The following ERCC1 variants were observed in gnomAD, a reference collection of about 807,000 sequenced individuals.
ERCC1 encodes the protein DNA excision repair protein ERCC-1.
ERCC1 carries 36 observed loss-of-function variants against 37.6 expected under a neutral mutation model. The ratio of observed to expected loss-of-function variants is 0.96; its 90% CI spans 0.73 to 1.26. The LOEUF is 1.26. Ranked by LOEUF, ERCC1 falls within the 50% of genes most tolerant of loss-of-function variation. The probability of loss-of-function intolerance (pLI) is 0.00; values close to 1 mark genes in which losing one functional copy is unlikely to be tolerated. For missense variants in ERCC1, 349 were observed against 376.5 expected, an observed-to-expected ratio of 0.93 and a Z score of 0.60; for synonymous variants, 156 against 162.1, an observed-to-expected ratio of 0.96 and a Z score of 0.28.
intron 1 of ERCC1, among the ~76,000 whole-genome samples, chr19:45,431,056 G>C (rs953805934): frequency 6.6e-6 from 1 of 152,054 alleles, no homozygotes; most frequent in South Asian, 2.1e-4. Context: ...GTGTTCAAGC[G>C]ATTCTCCCGC....
At position 45,438,409 on chromosome 19, in the gene ERCC1, A is replaced by G. The variant is rs190871919; in HGVS notation, c.-7-15028T>C. ...AATTTATTTGCAATATACACCCAGA[A>G]GTGGGATTGCTGGATCCATATGTGT... On this transcript the variant is annotated intron_variant, in intron 1 of 8. Coordinates refer to the ERCC1 transcript ENST00000423698. Among the ~76,000 whole-genome samples, 55 of 152,166 alleles carry G rather than the reference A, an allele frequency of 3.6e-4. No individual in the cohort carries two copies. The East Asian group carries it at 9.7e-3, about 27-fold the overall frequency.
intron 2 of ERCC1, among the ~76,000 whole-genome samples, chr19:45,421,779 G>A (rs3212946): frequency 5.9e-5 from 9 of 151,866 alleles, no homozygotes; most frequent in Non-Finnish European, 1.0e-4. Flanking sequence ...GACTACAGGC[G>A]TGTACCACCA....
chr19:45,408,979 G>A lies in ERCC1; in HGVS notation c.*696C>T, dbSNP rs756925223. 8 of 1,614,088 alleles carry A rather than the reference G, an allele frequency of 5.0e-6. No individual in the cohort carries two copies. Among genetic ancestry groups the A allele is most frequent in the Non-Finnish European group, 5.9e-6 (7 of 1,180,022 alleles). On this transcript the variant is annotated 3_prime_UTR_variant, in exon 10 of 10. Transcript: ENST00000300853. ...AGAGGAAAAAAGAAAAGGGACAGAT[G>A]GCAATGATGGAGCCAGGGACGGAGG...
chr19:45,434,620 C>T (rs552372716), intron 1 of ERCC1, among the ~76,000 whole-genome samples: 8 of 152,228 alleles, frequency 5.3e-5, no homozygotes, highest in African/African-American at 1.9e-4. Flanking sequence ...GAGTCTTGCT[C>T]TGTCACCCAG....
upstream of ERCC1, among the ~76,000 whole-genome samples, chr19:45,427,609 G>A (rs1438429427): frequency 6.6e-6 from 1 of 152,292 alleles, no homozygotes; most frequent in East Asian, 1.9e-4. Context: ...GCGAGACTCC[G>A]TCTCAAAAAA....
chr19:45,407,731 A>C lies in ERCC1; in HGVS notation c.*1944T>G, dbSNP rs1973429452. ...TTGTAAGTGCCTAGCTACTCACTTT[A>C]AGATGGAGTCACTCTAGTCATGTTT... On this transcript the variant is annotated 3_prime_UTR_variant, in exon 10 of 10. Transcript: ENST00000300853. The C allele has an allele frequency of 8.0e-6, 2 of 249,078 alleles. No individual in the cohort carries two copies. The allele number at this position is 249,078 out of a possible 1,614,324, so 15.4% of individuals were successfully genotyped here.
At position 45,420,660 on chromosome 19, in the gene ERCC1, C is replaced by T. The variant is rs1391748805; in HGVS notation, c.322-233G>A. 6.6e-6 allele frequency among the ~76,000 whole-genome samples: 1 copy of T among 152,132 alleles called. No homozygotes were observed. The highest frequency in any genetic ancestry group is 2.4e-5 in the African/African-American group (1 of 41,422). ...CTGATCCTCTGATCCAGGCTCCTCC[C>T]CTCCATGCCCACTGGCACCAGGCCT... On this transcript the variant is annotated intron_variant, in intron 3 of 9. Transcript: ENST00000300853. This position sits in a 1 kb window ranked among gnomAD's most constrained non-coding sequence, Gnocchi z 4.8.
Position 45,421,398 on chromosome 19 carries a change from G to A in ERCC1, c.106-5C>T, listed in dbSNP as rs1001721395. 4 of 1,576,170 alleles carry A rather than the reference G, an allele frequency of 2.5e-6. No homozygotes were observed. The highest frequency in any genetic ancestry group is 8.6e-7 in the Non-Finnish European group (1 of 1,158,936). On this transcript the variant is annotated splice_polypyrimidine_tract_variant and splice_region_variant and intron_variant, in intron 2 of 9. Transcript: ENST00000300853. Reference sequence around the variant, plus strand: ...AGATCGGAATAAGGGCTTGGCCTGTGGGGAGAAAGGGAGTTTGCAGGGGAC... The same window carrying A: ...AGATCGGAATAAGGGCTTGGCCTGTAGGGAGAAAGGGAGTTTGCAGGGGAC...
At chr19:45,448,264 G>C (rs967890645) in intron 1 of ERCC1, among the ~76,000 whole-genome samples, 2 of 152,116 alleles carry the variant, frequency 1.3e-5, no homozygotes, top group African/African-American at 4.8e-5. Context: ...ACCCCTGCCT[G>C]CTTGTACTAG....
Position 45,408,799 on chromosome 19 carries a change from G to A in ERCC1, c.*876C>T, listed in dbSNP as rs370766397. On this transcript the variant is annotated 3_prime_UTR_variant, in exon 10 of 10. Coordinates refer to ENST00000300853, the MANE Select transcript of ERCC1 (RefSeq NM_001983.4). The stretch of plus-strand genomic sequence containing the variant: ...TGAAGCAGGAACAGATTAACACTGA[G>A]CCTCTAGAAGACACAGTCCTGTCCC... 1.7e-5 allele frequency: 28 copies of A among 1,613,890 alleles called. No individual in the cohort carries two copies. Among genetic ancestry groups the A allele is most frequent in the South Asian group, 1.1e-5 (1 of 91,074 alleles).
intron 9 of ERCC1, 35 bp downstream of exon 9, chr19:45,413,642 C>T (rs1568577046): frequency 6.2e-7 from 1 of 1,614,200 alleles, no homozygotes; most frequent in Non-Finnish European, 8.5e-7. Flanking sequence ...TCTCTCCTTC[C>T]CCCAACTCCT....
intron 7 of ERCC1, 95 bp from the exon 8 acceptor site, chr19:45,414,129 C>T: frequency 1.0e-6 from 1 of 968,210 alleles, no homozygotes; most frequent in Admixed American, 1.8e-5. Context: ...TGTCCCCAGA[C>T]TGCCTGGCGT....
In ERCC1 at chr19:45,408,062, AAAAAAAAAAT is replaced by A. The variant is rs1973452698; in HGVS notation, c.*1603_*1612del. On this transcript the variant is annotated 3_prime_UTR_variant, in exon 10 of 10. Transcript: ENST00000300853. ...GAGCAAGACTCTCTCAAAAAAAAAC[AAAAAAAAAAT>A]CAAAAAACCTTCCCTCTCCTGTTCC... is the stretch of plus-strand genomic sequence containing the variant. 2.0e-5 allele frequency: 15 copies of A among 755,328 alleles called. No individual in the cohort carries two copies. In the South Asian group the frequency reaches 2.0e-4, roughly 10 times the overall value. The allele number at this position is 755,328 out of a possible 1,614,324, so 46.8% of individuals were successfully genotyped here. A position where few individuals can be genotyped will look rare whatever the true frequency, so the allele number is the denominator to read the frequency against.
chr19:45,408,974 C>T lies in ERCC1; in HGVS notation c.*701G>A. The T allele has an allele frequency of 6.2e-7, 1 of 1,613,942 alleles. No homozygotes were observed. The highest frequency in any genetic ancestry group is 8.5e-7 in the Non-Finnish European group (1 of 1,179,990). On this transcript the variant is annotated 3_prime_UTR_variant, in exon 10 of 10. Coordinates refer to ENST00000300853, the MANE Select transcript of ERCC1 (RefSeq NM_001983.4). Reference sequence around the variant, plus strand: ...GAAGAAGAGGAAAAAAGAAAAGGGACAGATGGCAATGATGGAGCCAGGGAC... The same window carrying T: ...GAAGAAGAGGAAAAAAGAAAAGGGATAGATGGCAATGATGGAGCCAGGGAC...
chr19:45,424,563 GC>G (rs1271634981), upstream of ERCC1, among the ~76,000 whole-genome samples: 3 of 152,220 alleles, frequency 2.0e-5, no homozygotes, highest in African/African-American at 4.8e-5. Flanking sequence ...CTAACTTGCA[GC>G]TCTCTGATTA....
At chr19:45,419,310 G>C in intron 4 of ERCC1, 113 bp from the exon 5 acceptor site, 1 of 771,994 alleles carries the variant, frequency 1.3e-6, no homozygotes, top group Non-Finnish European at 2.3e-6. Flanking sequence ...GGGGGACAGA[G>C]GGTCCTGAGG....
chr19:45,416,702 GC>G, intron 6 of ERCC1, 118 bp downstream of exon 6: 1 of 747,450 alleles, frequency 1.3e-6, no homozygotes, highest in Non-Finnish European at 2.4e-6. Flanking sequence ...CCAGAGAGAG[GC>G]AGTGCCTGCA....
In ERCC1 at chr19:45,417,347, G is replaced by A. The variant is rs567114831; in HGVS notation, c.526-450C>T. On this transcript the variant is annotated intron_variant, in intron 5 of 9. Coordinates refer to ENST00000300853, the MANE Select transcript of ERCC1 (RefSeq NM_001983.4). ...GAGTGGCCAGGGCTGCGATGTGGGAGCCAGAGGAGGGACTGAGCCTGCCTG... is the reference window on the plus strand; with the variant it reads ...GAGTGGCCAGGGCTGCGATGTGGGAACCAGAGGAGGGACTGAGCCTGCCTG... Among the ~76,000 whole-genome samples, 23 of 152,260 alleles carry A rather than the reference G, an allele frequency of 1.5e-4. 1 individual carries two copies. The South Asian group carries it at 4.6e-3, about 30-fold the overall frequency.
chr19:45,450,021 T>C (rs1967065076), intron 1 of ERCC1, among the ~76,000 whole-genome samples: 1 of 152,176 alleles, frequency 6.6e-6, no homozygotes, highest in South Asian at 2.1e-4. Flanking sequence ...TTAAATAACA[T>C]AATTAAACCT....
Sources: allele counts gnomAD v4.1 joint callset (sites outside exome capture counted in the v4.1 genomes callset), GRCh38; gene constraint gnomAD v4.1.1; non-coding constraint Gnocchi (gnomAD v3.1); transcripts MANE v1.5; gene names NCBI Gene and HGNC (gene_info 2026-07-23, HGNC 2026-07-21).